Variants in DEPDC5 observed in about 807,000 individuals in gnomAD.
DEPDC5 encodes GATOR1 complex protein DEPDC5.
A neutral mutation model predicts 217.3 loss-of-function variants in DEPDC5; 73 were observed. That is an observed-to-expected ratio of 0.34 (90% CI 0.28 to 0.41). The LOEUF (loss-of-function observed/expected upper bound fraction) is 0.41, where lower values mean the gene tolerates loss of function less well. Ranked by LOEUF, DEPDC5 falls within the 10% of genes least tolerant of loss-of-function variation. The pLI, the probability that DEPDC5 is intolerant of heterozygous loss-of-function variation, is 1.00. For missense variants in DEPDC5, 1,675 were observed against 2,070.1 expected, an observed-to-expected ratio of 0.81 and a Z score of 3.70; for synonymous variants, 733 against 756.7, an observed-to-expected ratio of 0.97 and a Z score of 0.51.
At chr22:31,777,048 C>T (rs941580473) in intron 7 of DEPDC5, among the ~76,000 whole-genome samples, 5 of 151,478 alleles carry the variant, frequency 3.3e-5, no homozygotes, top group South Asian at 2.1e-4. Flanking sequence ...CTGAAACCTC[C>T]GCCTCCTGGG....
intron 8 of DEPDC5, among the ~76,000 whole-genome samples, chr22:31,781,685 C>T (rs2084458954): frequency 6.6e-6 from 1 of 152,098 alleles, no homozygotes; most frequent in African/African-American, 2.4e-5. Context: ...CCACATCAGC[C>T]TCCCAAAATG....
intron 38 of DEPDC5, among the ~76,000 whole-genome samples, chr22:31,882,123 T>C (rs989226347): frequency 6.6e-6 from 1 of 152,216 alleles, no homozygotes; most frequent in South Asian, 2.1e-4. Context: ...AATCATTCAC[T>C]TATAGCACTA....
At chr22:31,792,163 A>G (rs1030991712) in intron 11 of DEPDC5, 61 bp downstream of exon 11, 22 of 1,232,046 alleles carry the variant, frequency 1.8e-5, no homozygotes, top group Admixed American at 5.2e-5. Context: ...ACCCCACCCC[A>G]GCCATTTCCT....
intron 24 of DEPDC5, among the ~76,000 whole-genome samples, chr22:31,824,832 T>G (rs1255095448): frequency 6.6e-6 from 1 of 151,388 alleles, no homozygotes; most frequent in Non-Finnish European, 1.5e-5. Flanking sequence ...ATAAAATAAC[T>G]GGGCGTGGTG....
At chr22:31,890,159 A>G (rs548302488) in intron 38 of DEPDC5, among the ~76,000 whole-genome samples, 17 of 152,298 alleles carry the variant, frequency 1.1e-4, no homozygotes, top group Middle Eastern at 3.4e-3. Flanking sequence ...TCCTGTCTCT[A>G]TGAACCATCT....
chr22:31,903,722 T>C, intron 41 of DEPDC5, among the ~76,000 whole-genome samples: 2 of 86,970 alleles, frequency 2.3e-5, no homozygotes, highest in Non-Finnish European at 4.6e-5. Flanking sequence ...ACACCTAACC[T>C]CTCCCACCTT....
chr22:31,876,326 C>T (rs1172959038), intron 37 of DEPDC5, 61 bp downstream of exon 37: 2 of 1,314,566 alleles, frequency 1.5e-6, no homozygotes, highest in African/African-American at 1.5e-5. Flanking sequence ...GTGACTTGCT[C>T]TTTCACATGA....
chr22:31,845,748 C>T (rs565825735), intron 30 of DEPDC5, among the ~76,000 whole-genome samples: 6 of 149,368 alleles, frequency 4.0e-5, no homozygotes, highest in Non-Finnish European at 7.4e-5. Context: ...GTATAATTGA[C>T]GTGTGTGTGT....
chr22:31,754,389 C>T (rs943959267), intron 1 of DEPDC5, among the ~76,000 whole-genome samples: 3 of 152,252 alleles, frequency 2.0e-5, no homozygotes, highest in African/African-American at 7.2e-5. Context: ...TGCCTTCCTC[C>T]TCTTTGTGGT....
intron 8 of DEPDC5, among the ~76,000 whole-genome samples, chr22:31,779,368 C>A (rs2084193572): frequency 6.6e-6 from 1 of 152,146 alleles, no homozygotes; most frequent in African/African-American, 2.4e-5. Context: ...TGCTTTCCTG[C>A]AAAGGTGTCT....
rs749703301 is a variant in DEPDC5, at chr22:31,874,315, G to A, written c.3606G>A (p.Pro1202=). ...TCTCTGAACAGAAGGGCCTCTCACC[G>A]TACTGCTTCATCAGCGCGGAGGTGG... ...QLLSEQKGLS[P]YCFISAEVVH... Residue 1202 remains proline, a synonymous_variant, in exon 36 of 43, where the codon CCG becomes CCA. Coordinates refer to ENST00000651528, the MANE Select transcript of DEPDC5 (RefSeq NM_001242896.3). The A allele has an allele frequency of 8.7e-6, 14 of 1,609,018 alleles. No individual in the cohort carries two copies. Among genetic ancestry groups the A allele is most frequent in the East Asian group, 2.2e-5 (1 of 44,676 alleles).
At chr22:31,758,661 T>C in intron 3 of DEPDC5, 28 bp downstream of exon 3, 1 of 1,597,068 alleles carries the variant, frequency 6.3e-7, no homozygotes, top group Non-Finnish European at 8.6e-7. Context: ...TCCATGGAAC[T>C]GGGCAATTCA....
chr22:31,769,853 G>T (rs1292633127), intron 7 of DEPDC5: 2 of 151,904 alleles, frequency 1.3e-5, no homozygotes, highest in Admixed American at 6.6e-5. Flanking sequence ...AGCCTGGGAG[G>T]TAGAGGCTGC....
At chr22:31,808,794 A>T (rs1036805319) in intron 18 of DEPDC5, among the ~76,000 whole-genome samples, 1 of 151,926 alleles carries the variant, frequency 6.6e-6, no homozygotes, top group Non-Finnish European at 1.5e-5. Context: ...ACTCCTGACA[A>T]CCTCAGGTGA....
At chr22:31,836,771 A>G in intron 25 of DEPDC5, 1 of 583,226 alleles carries the variant, frequency 1.7e-6, no homozygotes, top group Non-Finnish European at 3.0e-6. Context: ...TTGGATAAGC[A>G]TGTGCACTGC....
intron 31 of DEPDC5, among the ~76,000 whole-genome samples, chr22:31,855,380 CTT>C (rs56923919): frequency 1.2e-4 from 16 of 137,112 alleles, no homozygotes; most frequent in Admixed American, 2.9e-4. Context: ...CAAAATATTT[CTT>C]TTTTTTTTTT....
chr22:31,810,465 T>C, intron 19 of DEPDC5, 56 bp from the exon 20 acceptor site: 1 of 1,608,794 alleles, frequency 6.2e-7, no homozygotes, highest in Non-Finnish European at 8.5e-7. Flanking sequence ...ATTTCAGCTC[T>C]CAGGCATGTG....
At chr22:31,775,843 C>T (rs191628701) in intron 7 of DEPDC5, among the ~76,000 whole-genome samples, 6 of 151,916 alleles carry the variant, frequency 3.9e-5, no homozygotes, top group South Asian at 2.1e-4. Flanking sequence ...AGTTCGAGAC[C>T]AGCCTGGCCA....
At position 31,815,128 on chromosome 22, in the gene DEPDC5, AAG is replaced by A; in HGVS notation, c.1585_1586del (p.Ser529CysfsTer15). On this transcript the variant is annotated frameshift_variant, in exon 21 of 43. Coordinates refer to ENST00000651528, the MANE Select transcript of DEPDC5 (RefSeq NM_001242896.3). LOFTEE classifies it high-confidence loss of function. ...GGCTTCTGACGACAGCTCCCTAGGC[AAG>A]AGTGCCAACATCCTGATGATCCCAC... ...SQASDDSSLG[K>X]SANILMIPHP... 1 of 1,614,200 alleles carries A rather than the reference AAG, an allele frequency of 6.2e-7. No homozygotes were observed.
Sources: allele counts gnomAD v4.1 joint callset (sites outside exome capture counted in the v4.1 genomes callset), GRCh38; gene constraint gnomAD v4.1.1; transcripts MANE v1.5; gene names NCBI Gene and HGNC (gene_info 2026-07-23, HGNC 2026-07-21).